TEX10: variants seen among roughly 807,000 people sequenced by gnomAD.
The protein encoded by TEX10 is testis expressed 10.
Under a neutral mutation model 104.4 loss-of-function variants are expected in TEX10, and 24 were observed. That is an observed-to-expected ratio of 0.23 (90% CI 0.17 to 0.32). TEX10 has a LOEUF of 0.32. TEX10 is among the 10% of genes least tolerant of loss of function. TEX10 has a pLI of 1.00. For synonymous variants in TEX10, 396 were observed against 393.4 expected, an observed-to-expected ratio of 1.01 and a Z score of -0.08; for missense variants, 921 against 1,083.9, an observed-to-expected ratio of 0.85 and a Z score of 2.11.
chr9:100,352,383 T>C (rs375372151), intron 1 of TEX10: 228 of 1,551,696 alleles, frequency 1.5e-4, no homozygotes, highest in Non-Finnish European at 1.9e-4. Context: ...CCCCACTCCG[T>C]ATTCGGTCCT....
chr9:100,316,138 T>C (rs1834412426), intron 11 of TEX10, among the ~76,000 whole-genome samples: 2 of 152,214 alleles, frequency 1.3e-5, no homozygotes, highest in Non-Finnish European at 2.9e-5. Context: ...CACAAGATAC[T>C]TGCAAATCAA....
chr9:100,317,808 A>G (rs996368347), intron 11 of TEX10, among the ~76,000 whole-genome samples: 2 of 152,230 alleles, frequency 1.3e-5, no homozygotes, highest in Non-Finnish European at 2.9e-5. Context: ...ACCCCGTTAA[A>G]AAGTAGACAA....
intron 12 of TEX10, among the ~76,000 whole-genome samples, 195 bp from the exon 13 acceptor site, chr9:100,308,876 GA>G (rs1834204605): frequency 6.6e-6 from 1 of 152,154 alleles, no homozygotes. Context: ...ATATGACTTT[GA>G]AAACATGCAA....
At chr9:100,329,403 A>T in intron 6 of TEX10, 128 bp from the exon 7 acceptor site, 1 of 1,047,658 alleles carries the variant, frequency 9.5e-7, no homozygotes, top group Non-Finnish European at 1.4e-6. Context: ...ACAAATAGAC[A>T]ACTACCATTG....
chr9:100,322,251 GTTCTTA>G (rs1392424037), intron 9 of TEX10, among the ~76,000 whole-genome samples: 3 of 152,194 alleles, frequency 2.0e-5, no homozygotes, highest in African/African-American at 7.2e-5. Context: ...GCAACTATGT[GTTCTTA>G]TTCTTAGTAA....
At chr9:100,347,736 A>G (rs570220511) in intron 2 of TEX10, among the ~76,000 whole-genome samples, 2 of 152,262 alleles carry the variant, frequency 1.3e-5, no homozygotes, top group East Asian at 3.9e-4. Context: ...GAAGGTGTAT[A>G]TATATACTCT....
intron 1 of TEX10, among the ~76,000 whole-genome samples, chr9:100,349,611 C>T (rs2118943089): frequency 6.6e-6 from 1 of 152,144 alleles, no homozygotes; most frequent in South Asian, 2.1e-4. Flanking sequence ...TTTTGGGTCA[C>T]AGAACCTTTT....
chr9:100,346,922 T>A lies in TEX10; in HGVS notation c.665A>T (p.Gln222Leu). 1 of 1,614,190 alleles carries A rather than the reference T, an allele frequency of 6.2e-7. No homozygotes were observed. Among genetic ancestry groups the A allele is most frequent in the South Asian group, 1.1e-5 (1 of 91,078 alleles). ...VNPNRRLTSQ[Q>L]WRLKVLVRLS... The stretch of plus-strand genomic sequence containing the variant: ...TCTCACTAAGACTTTCAGCCTCCAT[T>A]GCTGAGAAGTGAGTCTCCGATTAGG... The change falls in exon 3 of 15, where the codon CAA becomes CTA. Residue 222 changes from glutamine (Q) to leucine (L), a missense_variant. Physicochemically the swap from Gln to Leu is moderately radical, Grantham distance 113 (BLOSUM62 -2). Around this residue, in one of 3 missense-constraint regions of TEX10, gnomAD observed 753 missense variants for 868.4 expected, o/e 0.87. Transcript: ENST00000374902.
At chr9:100,310,976 A>G (rs1834265299) in intron 11 of TEX10, among the ~76,000 whole-genome samples, 1 of 152,190 alleles carries the variant, frequency 6.6e-6, no homozygotes, top group Non-Finnish European at 1.5e-5. Context: ...GTGGCTTACA[A>G]TCTACCAACA....
At chr9:100,302,422 A>C (rs1834011669) in intron 14 of TEX10, 118 bp from the exon 15 acceptor site, 1 of 617,850 alleles carries the variant, frequency 1.6e-6, no homozygotes, top group Middle Eastern at 4.4e-4. Context: ...CCCCATCTGT[A>C]AATTACCATA....
chr9:100,312,067 T>C (rs1008759948), intron 11 of TEX10, among the ~76,000 whole-genome samples: 17 of 152,246 alleles, frequency 1.1e-4, no homozygotes, highest in African/African-American at 3.6e-4. Context: ...TAACTTCTTT[T>C]ATACCATTAA....
At chr9:100,351,135 T>C (rs1401521163) in intron 1 of TEX10, among the ~76,000 whole-genome samples, 1 of 151,876 alleles carries the variant, frequency 6.6e-6, no homozygotes, top group Non-Finnish European at 1.5e-5. Flanking sequence ...GCAAGGTAGG[T>C]GGAACTAAAC....
intron 13 of TEX10, chr9:100,306,480 T>G (rs1050951099): frequency 6.6e-6 from 1 of 152,224 alleles, no homozygotes; most frequent in Non-Finnish European, 1.5e-5. Context: ...GCAGATTTTT[T>G]CATTAGTTAA....
intron 4 of TEX10, 45 bp from the exon 5 acceptor site, chr9:100,340,414 A>G: frequency 8.4e-7 from 1 of 1,195,746 alleles, no homozygotes; most frequent in African/African-American, 1.6e-5. Context: ...GAAAAAATGT[A>G]AAATAAGCAA....
chr9:100,331,099 C>A (rs1418076064), intron 5 of TEX10, among the ~76,000 whole-genome samples: 8 of 147,216 alleles, frequency 5.4e-5, no homozygotes, highest in Non-Finnish European at 6.0e-5. Flanking sequence ...CTACTAAATA[C>A]AAAAAAAAAA....
At chr9:100,332,845 A>G (rs1834902970) in intron 5 of TEX10, among the ~76,000 whole-genome samples, 1 of 151,926 alleles carries the variant, frequency 6.6e-6, no homozygotes, top group South Asian at 2.1e-4. Context: ...TGCTGAAAAT[A>G]ACTAGAAGTG....
chr9:100,351,159 G>C (rs1173125798), intron 1 of TEX10, among the ~76,000 whole-genome samples: 3 of 151,972 alleles, frequency 2.0e-5, no homozygotes, highest in East Asian at 3.9e-4. Context: ...TTTTAACAAT[G>C]TACCTCAGAA....
intron 1 of TEX10, among the ~76,000 whole-genome samples, chr9:100,350,687 A>T (rs1236405949): frequency 1.3e-5 from 2 of 152,170 alleles, no homozygotes; most frequent in Non-Finnish European, 2.9e-5. Context: ...ATGAGGGTAT[A>T]AAAAAATGGG....
At chr9:100,336,482 T>C (rs948299451) in intron 5 of TEX10, among the ~76,000 whole-genome samples, 2 of 152,116 alleles carry the variant, frequency 1.3e-5, no homozygotes, top group African/African-American at 2.4e-5. Context: ...GGGATCTACG[T>C]TGCATGCTCC....
Sources: allele counts gnomAD v4.1 joint callset (sites outside exome capture counted in the v4.1 genomes callset), GRCh38; gene constraint gnomAD v4.1.1; regional missense constraint gnomAD v4.1.1; transcripts MANE v1.5; gene names NCBI Gene and HGNC (gene_info 2026-07-23, HGNC 2026-07-21).